Variants in TPCN2 observed in about 807,000 individuals in gnomAD.
TPCN2 encodes two pore channel protein 2.
TPCN2 carries 92 observed loss-of-function variants against 111.4 expected under a neutral mutation model. The ratio of observed to expected loss-of-function variants is 0.83; its 90% CI spans 0.70 to 0.98. The LOEUF is 0.98. Ranked by LOEUF, TPCN2 falls within the 50% of genes least tolerant of loss-of-function variation. The pLI is 0.00. For missense variants in TPCN2, 995 were observed against 980.1 expected, an observed-to-expected ratio of 1.02 and a Z score of -0.20; for synonymous variants, 405 against 414.5, an observed-to-expected ratio of 0.98 and a Z score of 0.28.
In TPCN2 at chr11:69,081,386, G is replaced by C. The variant is rs770455978; in HGVS notation, c.1590-14G>C. 3.3e-6 allele frequency: 5 copies of C among 1,536,412 alleles called. No individual in the cohort carries two copies. In the Admixed American group the frequency reaches 9.8e-5, roughly 30 times the overall value. On this transcript the variant is annotated splice_polypyrimidine_tract_variant and intron_variant, in intron 17 of 24. Transcript: ENST00000294309. ...CTGGGCTCCTCCCAACCCGCCTCCC[G>C]TGTCTCTCCCCAGGAGGCCGGAGAT...
At chr11:69,086,004 A>T (rs764449748) in intron 22 of TPCN2, 74 bp downstream of exon 22, 215 of 1,434,838 alleles carry the variant, frequency 1.5e-4, no homozygotes, top group Non-Finnish European at 1.9e-4. Context: ...GGCACGCTGC[A>T]TCTGCACTGG....
intron 13 of TPCN2, among the ~76,000 whole-genome samples, chr11:69,077,265 G>T (rs1855827523): frequency 2.5e-5 from 1 of 40,338 alleles, no homozygotes; most frequent in South Asian, 9.5e-4. Flanking sequence ...CCCTCCACCT[G>T]CCCTCCTGCC....
At chr11:69,085,069 G>A in intron 19 of TPCN2, 141 bp from the exon 20 acceptor site, 1 of 860,290 alleles carries the variant, frequency 1.2e-6, no homozygotes, top group Non-Finnish European at 1.9e-6. Flanking sequence ...TTTTGAAGTA[G>A]CAGCCAGGCT....
intron 4 of TPCN2, 73 bp from the exon 5 acceptor site, chr11:69,057,505 C>T (rs950858072): frequency 1.4e-5 from 20 of 1,399,830 alleles, no homozygotes; most frequent in Middle Eastern, 1.9e-4. Context: ...CCCTGCGCTG[C>T]GCACCGTCAT....
At position 69,081,513 on chromosome 11, in the gene TPCN2, C is replaced by A; in HGVS notation, c.1689+14C>A. 1 of 1,533,518 alleles carries A rather than the reference C, an allele frequency of 6.5e-7. No homozygotes were observed. Among genetic ancestry groups the A allele is most frequent in the South Asian group, 1.2e-5 (1 of 83,346 alleles). The allele number at this position is 1,533,518 out of a possible 1,614,324, so 95.0% of individuals were successfully genotyped here. On this transcript the variant is annotated intron_variant, in intron 18 of 24. Coordinates refer to ENST00000294309, the MANE Select transcript of TPCN2 (RefSeq NM_139075.4). Reference sequence around the variant, plus strand: ...CCCAGCATGAAGGTGTGTGCCGGCCCCACCCCCACTCGCCCCACCCTCCTG... The same window carrying A: ...CCCAGCATGAAGGTGTGTGCCGGCCACACCCCCACTCGCCCCACCCTCCTG...
intron 19 of TPCN2, chr11:69,084,633 C>T: frequency 1.0e-6 from 1 of 985,454 alleles, no homozygotes; most frequent in Middle Eastern, 5.2e-4. Context: ...GGAAGCCCGG[C>T]CACACTTCAG....
rs745535572 is a variant in TPCN2, at chr11:69,057,807, C to T, written c.546+113C>T. The T allele has an allele frequency of 3.9e-5, 34 of 880,188 alleles. No homozygotes were observed. In the African/African-American group the frequency reaches 4.6e-4, roughly 12 times the overall value. The allele number at this position is 880,188 out of a possible 1,614,324, so 54.5% of individuals were successfully genotyped here. On this transcript the variant is annotated intron_variant, in intron 5 of 24. Transcript: ENST00000294309. ...GAGCCCGCCAGCCATCCTGCCCACC[C>T]GCCCAGCACTGCCCACCTCCCATGG...
chr11:69,083,942 C>T lies in TPCN2; in HGVS notation c.1690-3C>T. On this transcript the variant is annotated splice_region_variant and splice_polypyrimidine_tract_variant and intron_variant, in intron 18 of 24. Transcript: ENST00000294309. ...AAGGGCTGTGCTCTCTTCCTGTCCT[C>T]AGCTGATGGCCGTGGTGGCCAGTAC... 1.2e-6 allele frequency: 2 copies of T among 1,614,026 alleles called. No individual in the cohort carries two copies. Among genetic ancestry groups the T allele is most frequent in the South Asian group, 2.2e-5 (2 of 91,076 alleles).
chr11:69,086,557 G>T lies in TPCN2; in HGVS notation c.2038G>T (p.Val680Leu), dbSNP rs774105611. The T allele has an allele frequency of 5.6e-6, 9 of 1,613,986 alleles. 1 individual carries two copies. The highest frequency in any genetic ancestry group is 7.6e-6 in the Non-Finnish European group (9 of 1,180,020). ...GATCTATTTTGTATTGTGGTGGCTG[G>T]TGTCGTCTGTCATCTGGGTCAACCT... ...SKIYFVLWWLVSSVIWVNLFL... is the reference protein window; with the variant it reads ...SKIYFVLWWLLSSVIWVNLFL... Residue 680 changes from valine (V) to leucine (L), a missense_variant, in exon 23 of 25, where the codon GTG becomes TTG. Physicochemically the swap from Val to Leu is conservative, Grantham distance 32. Coordinates refer to ENST00000294309, the MANE Select transcript of TPCN2 (RefSeq NM_139075.4).
At chr11:69,053,966 CGGGTATCCT>C (rs889057124) in intron 1 of TPCN2, 58 bp from the exon 2 acceptor site, 2 of 1,370,080 alleles carry the variant, frequency 1.5e-6, no homozygotes, top group Non-Finnish European at 2.1e-6. Flanking sequence ...TCCTTGATCA[CGGGTATCCT>C]GGAGGGTGAG....
At chr11:69,061,790 G>T (rs968602859) in intron 5 of TPCN2, among the ~76,000 whole-genome samples, 2 of 152,120 alleles carry the variant, frequency 1.3e-5, no homozygotes, top group Non-Finnish European at 2.9e-5. Flanking sequence ...GTGTGTGATG[G>T]TTGGGGCAGA....
chr11:69,082,694 TCG>T, intron 18 of TPCN2, among the ~76,000 whole-genome samples: 1 of 114,402 alleles, frequency 8.7e-6, no homozygotes, highest in Non-Finnish European at 1.8e-5. Flanking sequence ...AGACGCATGA[TCG>T]TGTGTGCACA....
chr11:69,086,421 C>T (rs951730243), intron 22 of TPCN2, 102 bp from the exon 23 acceptor site: 20 of 938,496 alleles, frequency 2.1e-5, no homozygotes, highest in Middle Eastern at 2.2e-4. Flanking sequence ...GTGTGTGGGC[C>T]GGCTGCCCGA....
Position 69,086,519 on chromosome 11 carries a change from G to C in TPCN2, c.2004-4G>C. 1 of 1,613,910 alleles carries C rather than the reference G, an allele frequency of 6.2e-7. No homozygotes were observed. The highest frequency in any genetic ancestry group is 8.5e-7 in the Non-Finnish European group (1 of 1,179,806). On this transcript the variant is annotated splice_region_variant and splice_polypyrimidine_tract_variant and intron_variant, in intron 22 of 24. Coordinates refer to ENST00000294309, the MANE Select transcript of TPCN2 (RefSeq NM_139075.4). Reference sequence around the variant, plus strand: ...TTCACAGGGTGGGTCTCTGTCCTCCGCAGGTGGTCCAAGATCTATTTTGTA... The same window carrying C: ...TTCACAGGGTGGGTCTCTGTCCTCCCCAGGTGGTCCAAGATCTATTTTGTA...
At chr11:69,076,999 GCCA>G (rs1565091516) in intron 13 of TPCN2, among the ~76,000 whole-genome samples, 2 of 100,956 alleles carry the variant, frequency 2.0e-5, no homozygotes, top group Admixed American at 1.0e-4. Flanking sequence ...CTGCCCTCCT[GCCA>G]CGTCCCTCCA....
At chr11:69,062,633 CTG>C (rs1855073300) in intron 5 of TPCN2, among the ~76,000 whole-genome samples, 1 of 151,960 alleles carries the variant, frequency 6.6e-6, no homozygotes, top group African/African-American at 2.4e-5. Context: ...ATTGGGGAAC[CTG>C]TGTGTGCAGC....
At chr11:69,087,024 C>CT in intron 23 of TPCN2, 88 bp from the exon 24 acceptor site, 2 of 1,163,928 alleles carry the variant, frequency 1.7e-6, no homozygotes, top group East Asian at 4.9e-5. Flanking sequence ...AGCGGGTGCC[C>CT]TGTGGCTGAC....
chr11:69,062,601 T>TTGGACA (rs57439150), intron 5 of TPCN2, among the ~76,000 whole-genome samples: 70,093 of 151,530 alleles, frequency 0.46, 16,565 homozygotes, highest in Non-Finnish European at 0.52. Context: ...GAGGATGGCC[T>TTGGACA]GGGACAGGGA....
rs923534195 is a variant in TPCN2, at chr11:69,089,419, C to T, written c.*1466C>T. 1.3e-5 allele frequency: 2 copies of T among 152,216 alleles called. No homozygotes were observed. Among genetic ancestry groups the T allele is most frequent in the African/African-American group, 2.4e-5 (1 of 41,450 alleles). The allele number at this position is 152,216 out of a possible 1,614,324, so 9.4% of individuals were successfully genotyped here. A position where few individuals can be genotyped will look rare whatever the true frequency, so the allele number is the denominator to read the frequency against. On this transcript the variant is annotated 3_prime_UTR_variant, in exon 25 of 25. Coordinates refer to ENST00000294309, the MANE Select transcript of TPCN2 (RefSeq NM_139075.4). ...GCATTCATGTCAGGAGTGAGTCGCA[C>T]GTGGCTTTGTGGTCATGGCGACTTA...
Sources: gnomAD v4.1 joint callset for allele counts (sites outside exome capture counted in the v4.1 genomes callset) on GRCh38, gnomAD v4.1.1 for gene constraint, MANE v1.5 for transcripts, NCBI Gene and HGNC (gene_info 2026-07-23, HGNC 2026-07-21) for gene names.